The following ADCY6 variants were observed in gnomAD, a reference collection of about 807,000 sequenced individuals.
The protein encoded by ADCY6 is adenylate cyclase type 6.
ADCY6 carries 59 observed loss-of-function variants against 111.6 expected under a neutral mutation model. The observed-to-expected ratio is 0.53, with a 90% CI of 0.43 to 0.66. ADCY6 has a LOEUF of 0.66. Among genes scored for constraint, ADCY6 ranks in the 30% least tolerant of loss-of-function variants. The probability of loss-of-function intolerance (pLI) is 0.00; values close to 1 mark genes in which losing one functional copy is unlikely to be tolerated. For missense variants in ADCY6, 1,242 were observed against 1,595.6 expected (o/e 0.78, Z 3.78); for synonymous variants, 576 against 642.9 (o/e 0.90, Z 1.57).
chr12:48,789,438 C>T (rs1445159922), upstream of ADCY6: 1 of 152,402 alleles, frequency 6.6e-6, no homozygotes, highest in South Asian at 2.1e-4. Flanking sequence ...CCGGGGGTCC[C>T]CGAGCGCGCC....
At position 48,771,032 on chromosome 12, in the gene ADCY6, C is replaced by T; in HGVS notation, c.3052-62G>A. The T allele has an allele frequency of 6.5e-7, 1 of 1,544,418 alleles. No homozygotes were observed. The highest frequency in any genetic ancestry group is 1.4e-5 in the African/African-American group (1 of 73,614). On this transcript the variant is annotated intron_variant, in intron 19 of 21. Transcript: ENST00000357869. The surrounding 1 kb of genome is among the most constrained non-coding windows in gnomAD (Gnocchi z 4.3). ...GACCCCAGACCCAGCCCTGCCCCAA[C>T]ACTCATTTCTTGCCACGCCTTGGCT... is the stretch of plus-strand genomic sequence containing the variant.
In ADCY6 at chr12:48,775,702, G is replaced by C. The variant is rs1012627719; in HGVS notation, c.1807-4C>G. 6.2e-7 allele frequency: 1 copy of C among 1,613,324 alleles called. No individual in the cohort carries two copies. The highest frequency in any genetic ancestry group is 1.3e-5 in the African/African-American group (1 of 74,868). On this transcript the variant is annotated splice_polypyrimidine_tract_variant and splice_region_variant and intron_variant, in intron 9 of 21. Transcript: ENST00000357869. ...CTTTGCTGGAATCATCAATGCCCTG[G>C]AGAAAGGGACAGAGTGTGGAGTGAG...
chr12:48,778,592 C>T (rs1455285911), intron 2 of ADCY6, among the ~76,000 whole-genome samples: 3 of 152,230 alleles, frequency 2.0e-5, no homozygotes, highest in Non-Finnish European at 4.4e-5. Context: ...AAAAGACAAA[C>T]GCTGCTCCTT....
At position 48,776,097 on chromosome 12, in the gene ADCY6, C is replaced by A. The variant is rs547924399; in HGVS notation, c.1678-6G>T. On this transcript the variant is annotated splice_polypyrimidine_tract_variant and splice_region_variant and intron_variant, in intron 8 of 21. Transcript: ENST00000357869. This position sits in a 1 kb window ranked among gnomAD's most constrained non-coding sequence, Gnocchi z 6.1. ...AGCATGGCCTTCTCCTCTTTCTGTG[C>A]GGGCAGCATGGGTACAGGCTCAGAA... The A allele has an allele frequency of 1.7e-5, 28 of 1,613,530 alleles. No homozygotes were observed. In the South Asian group the frequency reaches 3.1e-4, roughly 18 times the overall value.
chr12:48,776,221 G>A lies in ADCY6; in HGVS notation c.1665C>T (p.Ala555=), dbSNP rs116290355. ...CCCTGGCCCTGACCCGTTTCTGGCT[G>A]GCGCCCAGGATGAGGAAAGTCTCAA... ...QHIETFLILG[A]SQKRKEEKAM... is the part of the protein sequence containing the mutation. The change falls in exon 8 of 22, where the codon GCC becomes GCT. Residue 555 remains alanine (A), a synonymous_variant. Transcript: ENST00000357869. This position sits in a 1 kb window ranked among gnomAD's most constrained non-coding sequence, Gnocchi z 6.1. 2 of 1,614,202 alleles carry A rather than the reference G, an allele frequency of 1.2e-6. No individual in the cohort carries two copies. Among genetic ancestry groups the A allele is most frequent in the South Asian group, 2.2e-5 (2 of 91,090 alleles).
rs1941534165 is a variant in ADCY6, at chr12:48,771,304, G to C, written c.3052-334C>G. On this transcript the variant is annotated intron_variant, in intron 19 of 21. Coordinates refer to ENST00000357869, the MANE Select transcript of ADCY6 (RefSeq NM_015270.5). The surrounding 1 kb of genome is among the most constrained non-coding windows in gnomAD (Gnocchi z 4.3). ...GCAAGTGACTTCCCTCCAGAACAGT[G>C]AACAGCCCATTCCTGATCTGGATGT... 6.2e-6 allele frequency: 3 copies of C among 481,946 alleles called. No individual in the cohort carries two copies. The highest frequency in any genetic ancestry group is 1.1e-5 in the Non-Finnish European group (3 of 263,364). The allele number at this position is 481,946 out of a possible 1,614,324, so 29.9% of individuals were successfully genotyped here.
In ADCY6 at chr12:48,768,442, T is replaced by A. The variant is rs750292370; in HGVS notation, c.*149A>T. On this transcript the variant is annotated 3_prime_UTR_variant, in exon 22 of 22. Coordinates refer to ENST00000357869, the MANE Select transcript of ADCY6 (RefSeq NM_015270.5). Reference sequence around the variant, plus strand: ...TTTCCAGCTTGAGGGCAGACGAGCATGATCCAAGCACAGCCTGCTGGGATG... The same window carrying A: ...TTTCCAGCTTGAGGGCAGACGAGCAAGATCCAAGCACAGCCTGCTGGGATG... 7.8e-6 allele frequency: 9 copies of A among 1,151,118 alleles called. No individual in the cohort carries two copies. The highest frequency in any genetic ancestry group is 1.1e-5 in the Non-Finnish European group (9 of 794,292). 71.3% of individuals were successfully genotyped at this position (1,151,118 alleles called of 1,614,324 possible).
chr12:48,775,153 G>T, intron 11 of ADCY6, 99 bp from the exon 12 acceptor site: 1 of 1,433,254 alleles, frequency 7.0e-7, no homozygotes. Context: ...GGGAGGAGAT[G>T]CAGTTGGCTC....
chr12:48,771,577 G>A lies in ADCY6; in HGVS notation c.3051+133C>T. The A allele has an allele frequency of 7.0e-7, 1 of 1,433,350 alleles. No homozygotes were observed. Among genetic ancestry groups the A allele is most frequent in the Non-Finnish European group, 9.7e-7 (1 of 1,031,812 alleles). The allele number at this position is 1,433,350 out of a possible 1,614,324, so 88.8% of individuals were successfully genotyped here. A position where few individuals can be genotyped will look rare whatever the true frequency, so the allele number is the denominator to read the frequency against. Reference sequence around the variant, plus strand: ...GGGTTCTTGCCTCTGCCTCCACTGTGCATACCCTTACCCCTGATGACTCTG... The same window carrying A: ...GGGTTCTTGCCTCTGCCTCCACTGTACATACCCTTACCCCTGATGACTCTG... On this transcript the variant is annotated intron_variant, in intron 19 of 21. Coordinates refer to ENST00000357869, the MANE Select transcript of ADCY6 (RefSeq NM_015270.5). This position sits in a 1 kb window ranked among gnomAD's most constrained non-coding sequence, Gnocchi z 4.3.
rs1565646246 is a variant in ADCY6, at chr12:48,774,976, G to GGATGAAGCA, written c.2050_2058dup (p.Cys684_Ile686dup). ...TCTCACTGTGGGAAGATGAGAAGCT[G>GGATGAAGCA]GATGAAGCAGATGAAGCAGAAGACC... On this transcript the variant is annotated inframe_insertion, in exon 12 of 22. Transcript: ENST00000357869. 2 of 1,556,634 alleles carry GGATGAAGCA rather than the reference G, an allele frequency of 1.3e-6. No individual in the cohort carries two copies. The highest frequency in any genetic ancestry group is 1.9e-5 in the Admixed American group (1 of 51,384).
In ADCY6 at chr12:48,776,182, T is replaced by C. The variant is rs1289884281; in HGVS notation, c.1677+27A>G. ...CCATTTGTCCCTCTTCTTGCTCCCC[T>C]GCCCCCAGCCCTGCCCTGGCCCTGA... is the stretch of plus-strand genomic sequence containing the variant. On this transcript the variant is annotated intron_variant, in intron 8 of 21. Transcript: ENST00000357869. The surrounding 1 kb of genome is among the most constrained non-coding windows in gnomAD (Gnocchi z 6.1). The C allele has an allele frequency of 6.2e-7, 1 of 1,613,902 alleles. No homozygotes were observed. Among genetic ancestry groups the C allele is most frequent in the Non-Finnish European group, 8.5e-7 (1 of 1,180,004 alleles).
intron 20 of ADCY6, among the ~76,000 whole-genome samples, chr12:48,770,382 C>G (rs892484564): frequency 2.6e-5 from 4 of 152,104 alleles, no homozygotes; most frequent in Admixed American, 2.0e-4. Context: ...TCCCATCCAC[C>G]AGTTCATTTG....
chr12:48,772,591 C>T, intron 16 of ADCY6, 48 bp from the exon 17 acceptor site: 1 of 1,609,654 alleles, frequency 6.2e-7, no homozygotes, highest in Non-Finnish European at 8.5e-7. Flanking sequence ...TCCTGGATTG[C>T]TGGGTGGGCA....
In ADCY6 at chr12:48,772,489, C is replaced by T; in HGVS notation, c.2657+19G>A. On this transcript the variant is annotated intron_variant, in intron 17 of 21. Coordinates refer to ENST00000357869, the MANE Select transcript of ADCY6 (RefSeq NM_015270.5). ...CATCTAATGGCTCTACCCTTTGCTG[C>T]CTCGGAGCCCTCACTTACCAGTCCA... 6.2e-7 allele frequency: 1 copy of T among 1,614,216 alleles called. No homozygotes were observed.
intron 2 of ADCY6, among the ~76,000 whole-genome samples, chr12:48,780,675 T>A (rs1565650019): frequency 6.6e-6 from 1 of 152,032 alleles, no homozygotes; most frequent in East Asian, 1.9e-4. Context: ...AGGGAACAGA[T>A]GCCCACCCAG....
Position 48,770,954 on chromosome 12 carries a change from C to A in ADCY6, c.3068G>T (p.Arg1023Leu), listed in dbSNP as rs750453850. ...ADFDEIISEE[R>L]FRQLEKIKTI... ...CTTGATCTTTTCCAGCTGCCGGAAC[C>A]GCTCCTCGCTGATAATCTGAACAAC... Residue 1023 changes from arginine to leucine, a missense_variant, in exon 20 of 22, where the codon CGG (arginine) becomes CTG (leucine). This residue lies in a region of ADCY6 where 245 missense variants were observed against 371.3 expected (regional missense o/e 0.66). Transcript: ENST00000357869. 6.2e-7 allele frequency: 1 copy of A among 1,614,028 alleles called. No homozygotes were observed. The highest frequency in any genetic ancestry group is 8.5e-7 in the Non-Finnish European group (1 of 1,180,016).
intron 20 of ADCY6, among the ~76,000 whole-genome samples, chr12:48,769,918 C>T (rs1447511165): frequency 6.6e-6 from 1 of 151,958 alleles, no homozygotes; most frequent in Admixed American, 6.6e-5. Flanking sequence ...CCCACCACCA[C>T]ACCCGGCTAA....
chr12:48,775,902 G>A (rs1392667031), intron 9 of ADCY6, 61 bp downstream of exon 9: 3 of 1,557,666 alleles, frequency 1.9e-6, no homozygotes, highest in Middle Eastern at 2.0e-4. Context: ...CAGGGTCAGG[G>A]ACAGGGTATT....
At chr12:48,785,738 C>T (rs1941969064) in intron 1 of ADCY6, among the ~76,000 whole-genome samples, 1 of 152,210 alleles carries the variant, frequency 6.6e-6, no homozygotes, top group Non-Finnish European at 1.5e-5. Context: ...TTTCACATCC[C>T]TAATTCCATC....
Sources: gnomAD v4.1 joint callset for allele counts (sites outside exome capture counted in the v4.1 genomes callset) on GRCh38, gnomAD v4.1.1 for gene constraint, gnomAD v4.1.1 regional missense constraint, Gnocchi (gnomAD v3.1) non-coding constraint, MANE v1.5 for transcripts, NCBI Gene and HGNC (gene_info 2026-07-23, HGNC 2026-07-21) for gene names.